Variants in DPYD observed in about 807,000 individuals in gnomAD.
DPYD encodes dihydropyrimidine dehydrogenase, also known as dihydropyrimidine dehydrogenase [NADP(+)].
Under a neutral mutation model 116.2 loss-of-function variants are expected in DPYD, and 109 were observed. The ratio of observed to expected loss-of-function variants is 0.94; its 90% CI spans 0.80 to 1.10. DPYD has a LOEUF of 1.10. Among genes scored for constraint, DPYD ranks in the 50% least tolerant of loss-of-function variants. The probability of loss-of-function intolerance (pLI) is 0.00; values close to 1 mark genes in which losing one functional copy is unlikely to be tolerated. For missense variants in DPYD, 1,302 were observed against 1,254.5 expected (o/e 1.04, Z -0.57); for synonymous variants, 440 against 432.0 (o/e 1.02, Z -0.23).
intron 8 of DPYD, among the ~76,000 whole-genome samples, chr1:97,663,137 C>A (rs1295233418): frequency 6.6e-6 from 1 of 152,124 alleles, no homozygotes; most frequent in African/African-American, 2.4e-5. Flanking sequence ...TTGCCACAGC[C>A]AAGGATACCA....
chr1:97,586,467 TA>T (rs1423687961), intron 10 of DPYD, among the ~76,000 whole-genome samples: 6 of 1,184 alleles, frequency 5.1e-3, no homozygotes, highest in African/African-American at 0.019. Context: ...CATACATACA[TA>T]TATATATATA....
intron 18 of DPYD, among the ~76,000 whole-genome samples, chr1:97,249,132 G>C (rs193204714): frequency 6.6e-6 from 1 of 152,276 alleles, no homozygotes; most frequent in East Asian, 1.9e-4. Flanking sequence ...AAAGGATGTA[G>C]ATTAGCAAAA....
intron 3 of DPYD, among the ~76,000 whole-genome samples, chr1:97,810,852 A>G (rs1239483339): frequency 6.6e-6 from 1 of 152,158 alleles, no homozygotes; most frequent in Non-Finnish European, 1.5e-5. Context: ...GTATTTAGTA[A>G]TACGAAATAC....
intron 2 of DPYD, among the ~76,000 whole-genome samples, chr1:97,845,787 T>C (rs1038189216): frequency 6.6e-6 from 1 of 152,160 alleles, no homozygotes; most frequent in Non-Finnish European, 1.5e-5. Context: ...CACATCCTCT[T>C]TGGGGCTCTG....
intron 11 of DPYD, among the ~76,000 whole-genome samples, chr1:97,560,964 C>T (rs543731243): frequency 2.6e-5 from 4 of 152,014 alleles, no homozygotes; most frequent in East Asian, 3.9e-4. Flanking sequence ...AGTTATAGCA[C>T]GTGAGGAGTA....
At chr1:97,787,849 A>G (rs7527085) in intron 3 of DPYD, among the ~76,000 whole-genome samples, 126,168 of 152,118 alleles carry the variant, frequency 0.83, 52,516 homozygotes, top group East Asian at 0.98. Flanking sequence ...CTTCAACATA[A>G]AGATCACTCT....
At chr1:97,098,674 A>G in intron 20 of DPYD, 42 bp from the exon 21 acceptor site, 1 of 1,608,638 alleles carries the variant, frequency 6.2e-7, no homozygotes, top group Non-Finnish European at 8.5e-7. Context: ...GTTAGCTCAG[A>G]GAAGAGAAAA....
intron 8 of DPYD, among the ~76,000 whole-genome samples, chr1:97,597,994 A>C (rs886256119): frequency 6.6e-6 from 1 of 152,202 alleles, no homozygotes; most frequent in African/African-American, 2.4e-5. Context: ...TGAAAATATT[A>C]AAAATATATC....
chr1:97,810,580 A>G (rs1417677131), intron 3 of DPYD, among the ~76,000 whole-genome samples: 1 of 151,858 alleles, frequency 6.6e-6, no homozygotes, highest in Admixed American at 6.6e-5. Context: ...CATCCTTCAC[A>G]TTTTACATCC....
intron 2 of DPYD, among the ~76,000 whole-genome samples, chr1:97,852,963 A>G (rs1670644161): frequency 6.6e-6 from 1 of 152,164 alleles, no homozygotes; most frequent in Non-Finnish European, 1.5e-5. Context: ...GGCTGTCAAT[A>G]TCCAAACCCC....
At chr1:97,730,548 G>T (rs1663534633) in intron 4 of DPYD, among the ~76,000 whole-genome samples, 5 of 151,904 alleles carry the variant, frequency 3.3e-5, no homozygotes, top group Admixed American at 3.3e-4. Flanking sequence ...TATTGAAAAT[G>T]AAAATCTCTA....
chr1:97,431,121 G>A (rs926536061), intron 14 of DPYD, among the ~76,000 whole-genome samples: 1 of 152,026 alleles, frequency 6.6e-6, no homozygotes, highest in African/African-American at 2.4e-5. Context: ...ACAGATTCAG[G>A]GGTAAATGAG....
chr1:97,467,142 T>C (rs911082486), intron 13 of DPYD, among the ~76,000 whole-genome samples: 1 of 152,246 alleles, frequency 6.6e-6, no homozygotes, highest in African/African-American at 2.4e-5. Flanking sequence ...CGATAAAATA[T>C]GTCTCTAAGT....
chr1:97,876,063 T>C (rs977430766), intron 2 of DPYD, among the ~76,000 whole-genome samples: 1 of 151,944 alleles, frequency 6.6e-6, no homozygotes, highest in Non-Finnish European at 1.5e-5. Context: ...AACTTGGGGA[T>C]AGGAAAATAA....
chr1:97,593,142 G>T, intron 10 of DPYD, 76 bp downstream of exon 10: 1 of 1,514,380 alleles, frequency 6.6e-7, no homozygotes, highest in Non-Finnish European at 9.1e-7. Flanking sequence ...ACATTCTAGC[G>T]ATTTAAACAT....
chr1:97,797,033 T>C (rs552516162), intron 3 of DPYD: 13 of 152,260 alleles, frequency 8.5e-5, no homozygotes, highest in African/African-American at 2.9e-4. Context: ...CTGTTCACTG[T>C]CCATTATCTG....
At chr1:97,844,737 C>A (rs1207004361) in intron 2 of DPYD, among the ~76,000 whole-genome samples, 1 of 152,164 alleles carries the variant, frequency 6.6e-6, no homozygotes, top group Non-Finnish European at 1.5e-5. Flanking sequence ...GAGCCTTGCC[C>A]TCTTGGGTGC....
At chr1:97,667,427 T>A (rs986749596) in intron 8 of DPYD, among the ~76,000 whole-genome samples, 10 of 151,602 alleles carry the variant, frequency 6.6e-5, no homozygotes, top group Non-Finnish European at 1.3e-4. Context: ...TACTTAAAAA[T>A]TTTTTTTATC....
At chr1:97,913,426 C>T (rs1489044710) in intron 1 of DPYD, among the ~76,000 whole-genome samples, 9 of 152,138 alleles carry the variant, frequency 5.9e-5, no homozygotes, top group Non-Finnish European at 4.4e-5. Context: ...GACTGATCAA[C>T]AGCAAACTCA....
Sources: allele counts gnomAD v4.1 joint callset (sites outside exome capture counted in the v4.1 genomes callset), GRCh38; gene constraint gnomAD v4.1.1; transcripts MANE v1.5; gene names NCBI Gene and HGNC (gene_info 2026-07-23, HGNC 2026-07-21).